BMP5: variants seen among roughly 807,000 people sequenced by gnomAD.
BMP5 encodes the protein bone morphogenetic protein 5.
In BMP5, 23 loss-of-function variants were observed where a neutral mutation model predicts 46.6. The ratio of observed to expected loss-of-function variants is 0.49; its 90% CI spans 0.35 to 0.70. The LOEUF (loss-of-function observed/expected upper bound fraction) is 0.70, where lower values mean the gene tolerates loss of function less well. Ranked by LOEUF, BMP5 falls within the 30% of genes least tolerant of loss-of-function variation. BMP5 has a pLI of 0.00. For synonymous variants in BMP5, 204 were observed against 191.9 expected, an observed-to-expected ratio of 1.06 and a Z score of -0.52; for missense variants, 545 against 565.6, an observed-to-expected ratio of 0.96 and a Z score of 0.37.
chr6:55,807,483 T>C (rs1776018715), intron 2 of BMP5, among the ~76,000 whole-genome samples: 1 of 152,206 alleles, frequency 6.6e-6, no homozygotes, highest in African/African-American at 2.4e-5. Flanking sequence ...TATTGAGGAT[T>C]TTCACATCGA....
At chr6:55,826,610 C>A (rs1465100699) in intron 1 of BMP5, among the ~76,000 whole-genome samples, 1 of 151,284 alleles carries the variant, frequency 6.6e-6, no homozygotes, top group Non-Finnish European at 1.5e-5. Context: ...AATGAGCTTT[C>A]AGTGATTATT....
chr6:55,801,859 C>T (rs563404960), intron 2 of BMP5, among the ~76,000 whole-genome samples: 6 of 152,180 alleles, frequency 3.9e-5, no homozygotes, highest in Non-Finnish European at 7.4e-5. Flanking sequence ...CATACTGCAT[C>T]GCTTCTGATA....
chr6:55,779,192 A>G (rs1775248622), intron 3 of BMP5, among the ~76,000 whole-genome samples: 1 of 152,104 alleles, frequency 6.6e-6, no homozygotes, highest in African/African-American at 2.4e-5. Context: ...ACACAGTTTG[A>G]AAAACATTCA....
At chr6:55,857,164 TAG>T (rs1777420388) in intron 1 of BMP5, among the ~76,000 whole-genome samples, 1 of 152,160 alleles carries the variant, frequency 6.6e-6, no homozygotes, top group Non-Finnish European at 1.5e-5. Flanking sequence ...TTATTTGATT[TAG>T]AGTTTATCGA....
intron 1 of BMP5, among the ~76,000 whole-genome samples, chr6:55,868,576 T>TC (rs3839430): frequency 0.58 from 88,763 of 152,008 alleles, 28,088 homozygotes; most frequent in African/African-American, 0.84. Flanking sequence ...CTACAAATAG[T>TC]ATTTTTTTCT....
intron 2 of BMP5, among the ~76,000 whole-genome samples, chr6:55,808,248 G>T (rs1174136027): frequency 6.6e-6 from 1 of 152,172 alleles, no homozygotes; most frequent in Non-Finnish European, 1.5e-5. Flanking sequence ...GGCCTGAAGA[G>T]GCACTCTGTC....
intron 1 of BMP5, among the ~76,000 whole-genome samples, chr6:55,839,947 G>A (rs866503119): frequency 5.9e-5 from 9 of 151,866 alleles, no homozygotes; most frequent in Non-Finnish European, 5.9e-5. Flanking sequence ...CTTTAGACAC[G>A]TGCTTGGTTC....
At chr6:55,802,052 T>C (rs1775861716) in intron 2 of BMP5, among the ~76,000 whole-genome samples, 1 of 152,168 alleles carries the variant, frequency 6.6e-6, no homozygotes, top group Non-Finnish European at 1.5e-5. Flanking sequence ...GATGACTGTT[T>C]CTCTCATAGC....
At chr6:55,778,555 CA>C (rs889646460) in intron 3 of BMP5, among the ~76,000 whole-genome samples, 17 of 151,570 alleles carry the variant, frequency 1.1e-4, no homozygotes, top group Admixed American at 8.6e-4. Context: ...CAAAACAAAA[CA>C]AAAAACAAAC....
intron 1 of BMP5, among the ~76,000 whole-genome samples, chr6:55,856,497 T>A (rs1466957130): frequency 1.3e-5 from 2 of 152,170 alleles, no homozygotes; most frequent in African/African-American, 4.8e-5. Context: ...TACCAGCAAT[T>A]TATACGTGTT....
At chr6:55,795,424 T>G (rs1418581828) in intron 2 of BMP5, among the ~76,000 whole-genome samples, 1 of 152,042 alleles carries the variant, frequency 6.6e-6, no homozygotes, top group African/African-American at 2.4e-5. Context: ...TAGAAAACAA[T>G]AGAGCTATTC....
At chr6:55,858,227 C>A (rs1009355794) in intron 1 of BMP5, among the ~76,000 whole-genome samples, 9 of 152,138 alleles carry the variant, frequency 5.9e-5, no homozygotes, top group African/African-American at 1.2e-4. Context: ...ATTATAAACA[C>A]CTCATTCTTC....
chr6:55,826,480 A>C (rs1183235021), intron 1 of BMP5, among the ~76,000 whole-genome samples: 1 of 151,688 alleles, frequency 6.6e-6, no homozygotes, highest in African/African-American at 2.4e-5. Flanking sequence ...TGTTGATTGA[A>C]TATTAGTTTA....
intron 2 of BMP5, among the ~76,000 whole-genome samples, chr6:55,801,087 G>A (rs762602355): frequency 1.8e-4 from 27 of 152,162 alleles, no homozygotes; most frequent in Admixed American, 9.2e-4. Context: ...TCAATTTAAC[G>A]TATTTTCACA....
At chr6:55,757,927 G>T (rs909856983) in intron 6 of BMP5, among the ~76,000 whole-genome samples, 4 of 151,802 alleles carry the variant, frequency 2.6e-5, no homozygotes, top group Non-Finnish European at 4.4e-5. Context: ...TCAAGTATTT[G>T]CTTTTGCCAG....
Position 55,755,420 on chromosome 6 carries a change from C to A in BMP5, c.*113G>T, listed in dbSNP as rs3756991. On this transcript the variant is annotated 3_prime_UTR_variant, in exon 7 of 7. Coordinates refer to ENST00000370830, the MANE Select transcript of BMP5 (RefSeq NM_021073.4). ...ATGATATTGTACATAGGAAAAGAGT[C>A]AAAATGAGCCAGACTAATTTTAGGA... is the stretch of plus-strand genomic sequence containing the variant. The A allele has an allele frequency of 0.11, 113,689 of 1,024,664 alleles. 7,219 individuals are homozygous for A. Among genetic ancestry groups the A allele is most frequent in the South Asian group, 0.2 (13,554 of 69,196 alleles). The allele number at this position is 1,024,664 out of a possible 1,614,324, so 63.5% of individuals were successfully genotyped here. A position where few individuals can be genotyped will look rare whatever the true frequency, so the allele number is the denominator to read the frequency against.
intron 1 of BMP5, among the ~76,000 whole-genome samples, chr6:55,852,139 T>C (rs1297181385): frequency 6.6e-6 from 1 of 152,190 alleles, no homozygotes; most frequent in Non-Finnish European, 1.5e-5. Flanking sequence ...GCATGCTATA[T>C]ACAATTTGTT....
chr6:55,771,522 C>G (rs117672049), intron 4 of BMP5, among the ~76,000 whole-genome samples: 1 of 151,826 alleles, frequency 6.6e-6, no homozygotes, highest in African/African-American at 2.4e-5. Context: ...ATGCTGTCAG[C>G]ACGTTAATTT....
chr6:55,773,396 G>A (rs1289544072), intron 4 of BMP5, among the ~76,000 whole-genome samples: 2 of 151,894 alleles, frequency 1.3e-5, no homozygotes, highest in African/African-American at 4.8e-5. Context: ...TTGGCAGTTA[G>A]ATGCTTTCTG....
Sources: allele counts gnomAD v4.1 joint callset (sites outside exome capture counted in the v4.1 genomes callset), GRCh38; gene constraint gnomAD v4.1.1; transcripts MANE v1.5; gene names NCBI Gene and HGNC (gene_info 2026-07-23, HGNC 2026-07-21).